The following PDE1A variants were observed in gnomAD, a reference collection of about 807,000 sequenced individuals.
The protein encoded by PDE1A is phosphodiesterase 1A, also known as dual specificity calcium/calmodulin-dependent 3',5'-cyclic nucleotide phosphodiesterase 1A.
A neutral mutation model predicts 61.7 loss-of-function variants in PDE1A; 35 were observed. The ratio of observed to expected loss-of-function variants is 0.57; its 90% CI spans 0.43 to 0.75. The LOEUF is 0.75. PDE1A is among the 30% of genes least tolerant of loss of function. The pLI is 0.00. For missense variants in PDE1A, 597 were observed against 630.6 expected, an observed-to-expected ratio of 0.95 and a Z score of 0.57; for synonymous variants, 232 against 213.2, an observed-to-expected ratio of 1.09 and a Z score of -0.77.
At chr2:182,373,651 C>T (rs958116531) in intron 1 of PDE1A, among the ~76,000 whole-genome samples, 3 of 152,090 alleles carry the variant, frequency 2.0e-5, no homozygotes, top group South Asian at 2.1e-4. Flanking sequence ...TATTATAGCA[C>T]TTCACTTGAG....
the PDE1A span, among the ~76,000 whole-genome samples, chr2:182,671,049 C>T: frequency 2.6e-5 from 4 of 152,022 alleles, no homozygotes; most frequent in Non-Finnish European, 5.9e-5. Context: ...AACTCCTGAC[C>T]CCAAGTGATC....
intron 2 of PDE1A, among the ~76,000 whole-genome samples, chr2:182,244,804 A>G (rs1026029128): frequency 6.6e-6 from 1 of 152,176 alleles, no homozygotes; most frequent in African/African-American, 2.4e-5. Flanking sequence ...AAGGTTGAAG[A>G]GAGGGACCAG....
intron 2 of PDE1A, among the ~76,000 whole-genome samples, chr2:182,495,414 C>G (rs561242023): frequency 6.6e-6 from 1 of 152,244 alleles, no homozygotes; most frequent in Admixed American, 6.5e-5. Flanking sequence ...CTTTGGTTGG[C>G]ACCTTTTGAA....
intron 1 of PDE1A, among the ~76,000 whole-genome samples, chr2:182,415,362 T>C (rs1702852767): frequency 6.6e-6 from 1 of 152,128 alleles, no homozygotes; most frequent in Non-Finnish European, 1.5e-5. Flanking sequence ...AATAAAACAA[T>C]GAATTTTTAG....
Position 182,521,699 on chromosome 2 carries a change from T to C in PDE1A, c.101+577A>G, listed in dbSNP as rs567318049. Among the ~76,000 whole-genome samples the C allele has an allele frequency of 2.6e-5, 4 of 152,272 alleles. No homozygotes were observed. The East Asian group carries it at 5.8e-4, about 22-fold the overall frequency. On this transcript the variant is annotated intron_variant, in intron 2 of 14. Transcript: ENST00000410103. ...TTATGTACTATGGACTATTCTGTAC[T>C]CTCAGGAGAAGTGAACTGTGAACTG...
intron 13 of PDE1A, among the ~76,000 whole-genome samples, chr2:182,169,951 CTCTT>C (rs201739676): frequency 0.27 from 37,613 of 138,806 alleles, 5,763 homozygotes; most frequent in Non-Finnish European, 0.34. Flanking sequence ...CTCCCTCTCT[CTCTT>C]TCTCTTTCAT....
the PDE1A span, among the ~76,000 whole-genome samples, chr2:182,583,008 C>A: frequency 1.3e-5 from 2 of 152,106 alleles, no homozygotes; most frequent in East Asian, 3.9e-4. Flanking sequence ...TACAGCATAG[C>A]CCCAGAGAAT....
the PDE1A span, among the ~76,000 whole-genome samples, chr2:182,589,050 T>C: frequency 1.1e-4 from 1 of 8,772 alleles, no homozygotes; most frequent in Non-Finnish European, 2.4e-4. Context: ...CTCAAAATAA[T>C]AATAATAATA....
chr2:182,503,040 TAC>T lies in PDE1A; in HGVS notation c.101+19234_101+19235del, dbSNP rs35067674. On this transcript the variant is annotated intron_variant, in intron 2 of 14. Transcript: ENST00000410103. ...CTCTCTCCCCCTCCCCATTCTTTCT[TAC>T]ACACACACACACACACACACACACA... is the stretch of plus-strand genomic sequence containing the variant. Among the ~76,000 whole-genome samples, 853 of 96,962 alleles carry T rather than the reference TAC, an allele frequency of 8.8e-3. 7 individuals are homozygous for T. Among genetic ancestry groups the T allele is most frequent in the African/African-American group, 0.014 (428 of 31,416 alleles). 63.6% of individuals were successfully genotyped at this position (96,962 alleles called of 152,430 possible).
At chr2:182,157,725 C>A (rs946504512) in intron 13 of PDE1A, among the ~76,000 whole-genome samples, 1 of 152,104 alleles carries the variant, frequency 6.6e-6, no homozygotes, top group Non-Finnish European at 1.5e-5. Context: ...TATGCATAAT[C>A]CAAAATTCTA....
At chr2:182,685,281 T>C in the PDE1A span, among the ~76,000 whole-genome samples, 1 of 152,152 alleles carries the variant, frequency 6.6e-6, no homozygotes, top group Non-Finnish European at 1.5e-5. Flanking sequence ...TTATTGTTAG[T>C]CTTTGTAGTT....
chr2:182,630,555 T>A, the PDE1A span, among the ~76,000 whole-genome samples: 149 of 108,638 alleles, frequency 1.4e-3, 2 homozygotes, highest in East Asian at 0.012. Context: ...TCCTCTTTTT[T>A]AAAAAAAAAA....
chr2:182,194,951 T>C (rs1293148176), intron 10 of PDE1A, among the ~76,000 whole-genome samples: 1 of 150,840 alleles, frequency 6.6e-6, no homozygotes, highest in African/African-American at 2.4e-5. Context: ...CTTGAAAAAT[T>C]CTAAAAATCA....
chr2:182,542,707 G>A, the PDE1A span, among the ~76,000 whole-genome samples: 1 of 152,106 alleles, frequency 6.6e-6, no homozygotes, highest in East Asian at 1.9e-4. Flanking sequence ...CTACACTACG[G>A]GTTTACGTCA....
At chr2:182,586,907 G>A in the PDE1A span, among the ~76,000 whole-genome samples, 24 of 152,148 alleles carry the variant, frequency 1.6e-4, no homozygotes, top group African/African-American at 5.8e-4. Flanking sequence ...GTGTGGACAA[G>A]TAATCTGTTA....
downstream of PDE1A, among the ~76,000 whole-genome samples, chr2:182,145,422 G>A (rs1249061187): frequency 6.6e-6 from 1 of 151,904 alleles, no homozygotes; most frequent in Non-Finnish European, 1.5e-5. Flanking sequence ...TACTTTGAGC[G>A]GGCCGCACAC....
At chr2:182,348,795 G>A (rs909581250) in intron 1 of PDE1A, among the ~76,000 whole-genome samples, 1 of 151,478 alleles carries the variant, frequency 6.6e-6, no homozygotes, top group African/African-American at 2.4e-5. Flanking sequence ...ATGTCTGAGA[G>A]GGTAATTGAA....
At chr2:182,260,033 G>C (rs187650335) in intron 2 of PDE1A, among the ~76,000 whole-genome samples, 1 of 152,176 alleles carries the variant, frequency 6.6e-6, no homozygotes, top group Non-Finnish European at 1.5e-5. Context: ...AGGGTATTGT[G>C]CTATTATCTC....
intron 2 of PDE1A, among the ~76,000 whole-genome samples, chr2:182,252,606 A>G (rs1306497755): frequency 2.0e-5 from 3 of 152,230 alleles, no homozygotes; most frequent in African/African-American, 7.2e-5. Flanking sequence ...AGAGATCTTG[A>G]GAAGGAACAC....
Sources: allele counts gnomAD v4.1 joint callset (sites outside exome capture counted in the v4.1 genomes callset), GRCh38; gene constraint gnomAD v4.1.1; transcripts MANE v1.5; gene names NCBI Gene and HGNC (gene_info 2026-07-23, HGNC 2026-07-21).